Variants in TBC1D22A observed in about 807,000 individuals in gnomAD.
TBC1D22A encodes the protein putative GTPase activator.
Under a neutral mutation model 60.2 loss-of-function variants are expected in TBC1D22A, and 38 were observed. That is an observed-to-expected ratio of 0.63 (90% confidence interval 0.49 to 0.83). The LOEUF (loss-of-function observed/expected upper bound fraction) is 0.83, where lower values mean the gene tolerates loss of function less well. TBC1D22A is among the 40% of genes least tolerant of loss of function. The pLI is 0.00. For synonymous variants in TBC1D22A, 302 were observed against 281.7 expected, an observed-to-expected ratio of 1.07 and a Z score of -0.72; for missense variants, 628 against 701.0, an observed-to-expected ratio of 0.90 and a Z score of 1.18.
At chr22:47,032,729 AGGCCCCAGGC>A (rs2062519721) in intron 10 of TBC1D22A, among the ~76,000 whole-genome samples, 3 of 152,178 alleles carry the variant, frequency 2.0e-5, no homozygotes, top group Admixed American at 1.3e-4. Flanking sequence ...GTGTCCCAGG[AGGCCCCAGGC>A]TGCTGACTTC....
chr22:46,776,307 T>G (rs1005487169), intron 1 of TBC1D22A, among the ~76,000 whole-genome samples: 2 of 152,050 alleles, frequency 1.3e-5, no homozygotes, highest in Non-Finnish European at 2.9e-5. Flanking sequence ...GCTGGCTACC[T>G]GAGAACAGAG....
chr22:46,892,147 T>A (rs1237082040), intron 6 of TBC1D22A, among the ~76,000 whole-genome samples: 2 of 152,216 alleles, frequency 1.3e-5, no homozygotes, highest in Non-Finnish European at 2.9e-5. Flanking sequence ...TATTATTGTC[T>A]TAGCTATCTG....
intron 12 of TBC1D22A, among the ~76,000 whole-genome samples, chr22:47,123,507 C>T (rs1003719044): frequency 1.3e-4 from 20 of 152,200 alleles, no homozygotes; most frequent in African/African-American, 4.8e-4. Context: ...GAACTCACAC[C>T]CAGGACCCAT....
At chr22:47,145,043 G>A (rs937524093) in intron 12 of TBC1D22A, among the ~76,000 whole-genome samples, 3 of 152,214 alleles carry the variant, frequency 2.0e-5, no homozygotes, top group Non-Finnish European at 2.9e-5. Context: ...TAATAAGCGC[G>A]CACCACGTGC....
At chr22:46,764,319 G>C (rs1006373695) in intron 1 of TBC1D22A, 1 of 152,276 alleles carries the variant, frequency 6.6e-6, no homozygotes, top group Non-Finnish European at 1.5e-5. Flanking sequence ...TGGTGGGTAG[G>C]AGGTCCTGGT....
chr22:47,168,349 A>T (rs886937317), intron 12 of TBC1D22A, among the ~76,000 whole-genome samples: 1 of 145,728 alleles, frequency 6.9e-6, no homozygotes, highest in African/African-American at 2.6e-5. Flanking sequence ...GGTTTTGGGG[A>T]TATAGGGACA....
At chr22:46,977,399 G>A (rs529642196) in intron 9 of TBC1D22A, among the ~76,000 whole-genome samples, 3 of 152,186 alleles carry the variant, frequency 2.0e-5, no homozygotes, top group Admixed American at 6.5e-5. Context: ...GAAGACTTTG[G>A]GGTGAGTCAG....
chr22:46,907,961 A>AGAG (rs1309697707), intron 7 of TBC1D22A, among the ~76,000 whole-genome samples: 1 of 152,212 alleles, frequency 6.6e-6, no homozygotes, highest in Non-Finnish European at 1.5e-5. Flanking sequence ...AGACAGCCGC[A>AGAG]GAGTGGCTGG....
chr22:46,889,976 T>C (rs1332525494), intron 5 of TBC1D22A, among the ~76,000 whole-genome samples: 1 of 152,240 alleles, frequency 6.6e-6, no homozygotes, highest in Non-Finnish European at 1.5e-5. Context: ...GTGCATCTTA[T>C]TTTATAAATT....
chr22:46,816,325 G>A (rs1351029586), intron 4 of TBC1D22A, among the ~76,000 whole-genome samples: 1 of 152,248 alleles, frequency 6.6e-6, no homozygotes, highest in African/African-American at 2.4e-5. Context: ...TCAGGGCCAT[G>A]CTTGGTAATG....
intron 4 of TBC1D22A, among the ~76,000 whole-genome samples, chr22:46,862,380 T>TTGCC (rs1043140795): frequency 2.6e-5 from 4 of 152,038 alleles, no homozygotes; most frequent in Non-Finnish European, 1.5e-5. Context: ...ATGGAGGTGC[T>TTGCC]GGTGGTGCAG....
At chr22:46,805,817 C>T (rs2085104201) in intron 4 of TBC1D22A, among the ~76,000 whole-genome samples, 1 of 143,352 alleles carries the variant, frequency 7.0e-6, no homozygotes, top group African/African-American at 2.5e-5. Flanking sequence ...ATTTCTGGTT[C>T]CTTAATGTCT....
At chr22:46,792,432 C>T in intron 1 of TBC1D22A, 88 bp from the exon 2 acceptor site, 11 of 1,584,008 alleles carry the variant, frequency 6.9e-6, no homozygotes, top group East Asian at 2.2e-5. Flanking sequence ...CTGTGGGTTC[C>T]TGGGAGCCCA....
At chr22:47,160,587 C>T (rs1189488791) in intron 12 of TBC1D22A, among the ~76,000 whole-genome samples, 1 of 152,218 alleles carries the variant, frequency 6.6e-6, no homozygotes, top group Non-Finnish European at 1.5e-5. Flanking sequence ...TACCTCACCC[C>T]GGACCACATG....
chr22:46,776,126 G>A (rs974940331), intron 1 of TBC1D22A, among the ~76,000 whole-genome samples: 1 of 152,248 alleles, frequency 6.6e-6, no homozygotes, highest in Non-Finnish European at 1.5e-5. Context: ...CAAGGAAAGG[G>A]GAGTTTTCAC....
rs1178314386 is a variant in TBC1D22A at position 47,028,624 on chromosome 22, G to T, written c.1202-8447G>T. On this transcript the variant is annotated intron_variant, in intron 10 of 12. Transcript: ENST00000337137. This position sits in a 1 kb window ranked among gnomAD's most constrained non-coding sequence, Gnocchi z 4.4. ...ATGACCTCTTCTGTCTCGCCTGCCTGTGCATACTTAGCTGTGTCTTGGGTC... is the reference window on the plus strand; with the variant it reads ...ATGACCTCTTCTGTCTCGCCTGCCTTTGCATACTTAGCTGTGTCTTGGGTC... 2.0e-5 allele frequency among the ~76,000 whole-genome samples: 3 copies of T among 152,214 alleles called. No homozygotes were observed.
intron 1 of TBC1D22A, chr22:46,767,921 A>G (rs1490684811): frequency 6.5e-6 from 1 of 152,698 alleles, no homozygotes; most frequent in Non-Finnish European, 1.5e-5. Flanking sequence ...CCTCATGACC[A>G]CAGTGAAGAC....
intron 1 of TBC1D22A, among the ~76,000 whole-genome samples, chr22:46,768,333 A>C (rs1165951574): frequency 6.6e-6 from 1 of 151,650 alleles, no homozygotes; most frequent in Non-Finnish European, 1.5e-5. Flanking sequence ...AAAAATACAA[A>C]AGTTAGCCAG....
intron 8 of TBC1D22A, among the ~76,000 whole-genome samples, chr22:46,961,841 A>C (rs561909638): frequency 1.7e-3 from 259 of 152,346 alleles, no homozygotes; most frequent in African/African-American, 5.9e-3. Flanking sequence ...TCAGAGAGGC[A>C]TGTGAGAGCC....
Sources: allele counts gnomAD v4.1 joint callset (sites outside exome capture counted in the v4.1 genomes callset), GRCh38; gene constraint gnomAD v4.1.1; non-coding constraint Gnocchi (gnomAD v3.1); transcripts MANE v1.5; gene names NCBI Gene and HGNC (gene_info 2026-07-23, HGNC 2026-07-21).